ADGRG7: variants seen among roughly 807,000 people sequenced by gnomAD.
The protein encoded by ADGRG7 is adhesion G protein-coupled receptor G7, also known as G-protein coupled receptor 128.
A neutral mutation model predicts 88.6 loss-of-function variants in ADGRG7; 82 were observed. The ratio of observed to expected loss-of-function variants is 0.93; its 90% CI spans 0.77 to 1.11. The LOEUF (loss-of-function observed/expected upper bound fraction) is 1.11. ADGRG7 is among the 50% of genes most tolerant of loss of function. The pLI, the probability that ADGRG7 is intolerant of heterozygous loss-of-function variation, is 0.00. For synonymous variants in ADGRG7, 381 were observed against 345.2 expected (o/e 1.10, Z -1.15); for missense variants, 945 against 953.4 (o/e 0.99, Z 0.12).
At chr3:100,665,490 T>C in intron 14 of ADGRG7, 1 of 512,908 alleles carries the variant, frequency 1.9e-6, no homozygotes, top group Admixed American at 2.1e-5. Context: ...CTTTCCGCCG[T>C]CAGTGGCCTG....
chr3:100,654,842 A>G lies in ADGRG7; in HGVS notation c.1387A>G (p.Arg463Gly). Reference protein sequence around the residue: ...VIFQIVTRKVRKTSVTWVLVN... With the variant: ...VIFQIVTRKVGKTSVTWVLVN... ...TAATTTACTTATTTTCAGGAAAGTCAGAAAAACCTCAGTAACCTGGGTTTT... is the reference window on the plus strand; with the variant it reads ...TAATTTACTTATTTTCAGGAAAGTCGGAAAAACCTCAGTAACCTGGGTTTT... Residue 463 changes from arginine to glycine, a missense_variant, in exon 12 of 16, where the codon AGA (arginine) becomes GGA (glycine). Arg to Gly is a moderately radical substitution (Grantham distance 125). Coordinates refer to ENST00000273352, the MANE Select transcript of ADGRG7 (RefSeq NM_032787.3). 2 of 1,549,236 alleles carry G rather than the reference A, an allele frequency of 1.3e-6. No individual in the cohort carries two copies. Among genetic ancestry groups the G allele is most frequent in the Non-Finnish European group, 1.7e-6 (2 of 1,147,506 alleles).
chr3:100,678,158 C>G (rs1356082301), intron 15 of ADGRG7, among the ~76,000 whole-genome samples: 1 of 151,840 alleles, frequency 6.6e-6, no homozygotes, highest in Non-Finnish European at 1.5e-5. Context: ...TTCAAATAGC[C>G]TGTCTTCAAG....
intron 4 of ADGRG7, among the ~76,000 whole-genome samples, chr3:100,634,518 G>A (rs1242294205): frequency 6.6e-6 from 1 of 152,104 alleles, no homozygotes; most frequent in Non-Finnish European, 1.5e-5. Context: ...TTTGCCTAGT[G>A]ATCACAGCTA....
intron 15 of ADGRG7, among the ~76,000 whole-genome samples, chr3:100,692,394 C>T (rs893628945): frequency 6.6e-6 from 1 of 152,106 alleles, no homozygotes; most frequent in Admixed American, 6.5e-5. Flanking sequence ...GCCAATTGAT[C>T]CATGGGCTTG....
chr3:100,686,590 A>G (rs942923113), intron 15 of ADGRG7, among the ~76,000 whole-genome samples: 39 of 152,206 alleles, frequency 2.6e-4, no homozygotes, highest in Non-Finnish European at 1.8e-4. Context: ...AGCTTTCTAC[A>G]TATGGCTAGC....
At chr3:100,613,540 A>T (rs930127118) in intron 1 of ADGRG7, among the ~76,000 whole-genome samples, 7 of 37,046 alleles carry the variant, frequency 1.9e-4, no homozygotes, top group South Asian at 3.5e-3. Context: ...CCCTAAATTA[A>T]AAAAAAAAAA....
chr3:100,610,343 C>A (rs1707129650), intron 1 of ADGRG7, among the ~76,000 whole-genome samples: 1 of 152,152 alleles, frequency 6.6e-6, no homozygotes, highest in Admixed American at 6.5e-5. Flanking sequence ...ATGCATCAAA[C>A]ACATACACAC....
At chr3:100,653,757 TC>T (rs2149028873) in intron 11 of ADGRG7, among the ~76,000 whole-genome samples, 1 of 152,218 alleles carries the variant, frequency 6.6e-6, no homozygotes, top group East Asian at 1.9e-4. Flanking sequence ...TGCATCTTTC[TC>T]CCTCTCCATA....
At position 100,619,656 on chromosome 3, in the gene ADGRG7, G is replaced by A. The variant is rs182225267; in HGVS notation, c.115+9685G>A. 5.4e-3 allele frequency among the ~76,000 whole-genome samples: 817 copies of A among 152,024 alleles called. 9 individuals carry two copies. The highest frequency in any genetic ancestry group is 0.019 in the African/African-American group (779 of 41,458). ...AAAAGATCAACAAAATTGAAAGACA[G>A]CTAGCAAGACTAATAAAGAAGAAAA... On this transcript the variant is annotated intron_variant, in intron 1 of 15. Transcript: ENST00000273352.
chr3:100,630,564 G>T (rs1707446232), intron 2 of ADGRG7, 141 bp from the exon 3 acceptor site: 3 of 383,894 alleles, frequency 7.8e-6, no homozygotes, highest in African/African-American at 6.2e-5. Flanking sequence ...AAGTATAGAA[G>T]TTCCTCACAG....
intron 15 of ADGRG7, among the ~76,000 whole-genome samples, chr3:100,671,100 G>T (rs2094957870): frequency 6.6e-6 from 1 of 152,074 alleles, no homozygotes; most frequent in African/African-American, 2.4e-5. Flanking sequence ...TGGTATTACT[G>T]GTTCTAGATC....
intron 1 of ADGRG7, among the ~76,000 whole-genome samples, chr3:100,614,918 C>T (rs1707202804): frequency 6.6e-6 from 1 of 151,736 alleles, no homozygotes; most frequent in African/African-American, 2.4e-5. Flanking sequence ...GAAAATAGGG[C>T]TAATAATTCT....
intron 8 of ADGRG7, among the ~76,000 whole-genome samples, chr3:100,645,226 C>T (rs923089647): frequency 1.3e-5 from 2 of 152,264 alleles, no homozygotes; most frequent in Non-Finnish European, 2.9e-5. Context: ...TCTTTGACTG[C>T]TGCCACCAAC....
At chr3:100,693,657 T>G (rs919087117) in intron 15 of ADGRG7, among the ~76,000 whole-genome samples, 1 of 152,224 alleles carries the variant, frequency 6.6e-6, no homozygotes, top group African/African-American at 2.4e-5. Context: ...GATATTTATT[T>G]TTAAAAATAC....
rs190928220 is a variant in ADGRG7 at position 100,693,954 on chromosome 3, G to A, written c.2137-790G>A. 3.9e-3 allele frequency among the ~76,000 whole-genome samples: 594 copies of A among 152,316 alleles called. 3 individuals carry two copies. The highest frequency in any genetic ancestry group is 0.012 in the African/African-American group (485 of 41,572). The stretch of plus-strand genomic sequence containing the variant: ...TACAGGCAACAGTATAGGCAGCACC[G>A]TATATTGGATAGAGGAGGGGTTTTG... On this transcript the variant is annotated intron_variant, in intron 15 of 15. Coordinates refer to ENST00000273352, the MANE Select transcript of ADGRG7 (RefSeq NM_032787.3).
At position 100,686,162 on chromosome 3, in the gene ADGRG7, A is replaced by G. The variant is rs564923001; in HGVS notation, c.2137-8582A>G. 2.5e-3 allele frequency among the ~76,000 whole-genome samples: 385 copies of G among 151,960 alleles called. 1 individual carries two copies. The highest frequency in any genetic ancestry group is 9.1e-3 in the African/African-American group (377 of 41,380). On this transcript the variant is annotated intron_variant, in intron 15 of 15. Coordinates refer to ENST00000273352, the MANE Select transcript of ADGRG7 (RefSeq NM_032787.3). Reference sequence around the variant, plus strand: ...ATTTTTTCATGTGTTTTTTGGCTGCATAAATGTCTTCTTTTGAGAAGTGTC... The same window carrying G: ...ATTTTTTCATGTGTTTTTTGGCTGCGTAAATGTCTTCTTTTGAGAAGTGTC...
chr3:100,680,944 G>T (rs2094972637), intron 15 of ADGRG7, among the ~76,000 whole-genome samples: 3 of 152,094 alleles, frequency 2.0e-5, no homozygotes, highest in Admixed American at 2.0e-4. Flanking sequence ...GAAGTGTTTT[G>T]TGGCACAATT....
At chr3:100,610,157 G>T (rs1249811673) in intron 1 of ADGRG7, among the ~76,000 whole-genome samples, 186 bp downstream of exon 1, 2 of 152,158 alleles carry the variant, frequency 1.3e-5, no homozygotes, top group Non-Finnish European at 2.9e-5. Context: ...AAATGAATAG[G>T]TGTGGGTGTG....
rs113843205 is a variant in ADGRG7, at chr3:100,671,120, C to T, written c.2136+2015C>T. 3.4e-3 allele frequency among the ~76,000 whole-genome samples: 520 copies of T among 152,286 alleles called. 5 individuals are homozygous for T. Among genetic ancestry groups the T allele is most frequent in the Non-Finnish European group, 5.0e-3 (340 of 68,028 alleles). On this transcript the variant is annotated intron_variant, in intron 15 of 15. Transcript: ENST00000273352. ...TTACTGGTTCTAGATCCTGAGGAAT[C>T]GCCACACTGTCTTCCACAATGGTTG... is the stretch of plus-strand genomic sequence containing the variant.
Sources: allele counts gnomAD v4.1 joint callset (sites outside exome capture counted in the v4.1 genomes callset), GRCh38; gene constraint gnomAD v4.1.1; transcripts MANE v1.5; gene names NCBI Gene and HGNC (gene_info 2026-07-23, HGNC 2026-07-21).